TLN2: variants seen among roughly 807,000 people sequenced by gnomAD.
TLN2 encodes the protein talin-2.
In TLN2, 118 loss-of-function variants were observed where a neutral mutation model predicts 294.7. That is an observed-to-expected ratio of 0.40 (90% CI 0.34 to 0.47). The LOEUF (loss-of-function observed/expected upper bound fraction) is 0.47. Among genes scored for constraint, TLN2 ranks in the 20% least tolerant of loss-of-function variants. The probability of loss-of-function intolerance (pLI) is 0.84; values close to 1 mark genes in which losing one functional copy is unlikely to be tolerated. For missense variants in TLN2, 3,083 were observed against 3,282.2 expected (o/e 0.94, Z 1.48); for synonymous variants, 1,431 against 1,304.5 (o/e 1.10, Z -2.09).
intron 1 of TLN2, among the ~76,000 whole-genome samples, chr15:62,459,067 C>A (rs2036645365): frequency 6.6e-6 from 1 of 151,918 alleles, no homozygotes; most frequent in Non-Finnish European, 1.5e-5. Context: ...GTGGCGCAAT[C>A]TTGGCTCACT....
At chr15:62,705,583 A>C (rs780311733) in intron 19 of TLN2, among the ~76,000 whole-genome samples, 2 of 152,206 alleles carry the variant, frequency 1.3e-5, no homozygotes, top group Non-Finnish European at 2.9e-5. Context: ...ATTCTATGTG[A>C]CCAAATCCTG....
chr15:62,576,521 A>G (rs1465927588), intron 1 of TLN2, among the ~76,000 whole-genome samples: 3 of 150,464 alleles, frequency 2.0e-5, no homozygotes, highest in African/African-American at 7.3e-5. Context: ...GCAGGGAGGG[A>G]GCGCGAGAAT....
At chr15:62,747,307 T>C (rs1488849165) in intron 32 of TLN2, among the ~76,000 whole-genome samples, 1 of 152,212 alleles carries the variant, frequency 6.6e-6, no homozygotes, top group Non-Finnish European at 1.5e-5. Flanking sequence ...ACTTATGGGC[T>C]ACCTCTTAGA....
intron 1 of TLN2, among the ~76,000 whole-genome samples, chr15:62,438,216 A>G (rs559825550): frequency 6.6e-6 from 1 of 152,322 alleles, no homozygotes; most frequent in Non-Finnish European, 1.5e-5. Flanking sequence ...GTGGTTATTT[A>G]AGGGAAAACA....
intron 1 of TLN2, among the ~76,000 whole-genome samples, chr15:62,575,647 T>A (rs1453928502): frequency 6.6e-6 from 1 of 151,926 alleles, no homozygotes; most frequent in Non-Finnish European, 1.5e-5. Context: ...GAAAAATTAG[T>A]CCAACTTCTT....
intron 3 of TLN2, among the ~76,000 whole-genome samples, chr15:62,638,831 T>C (rs922970641): frequency 6.6e-6 from 1 of 152,192 alleles, no homozygotes; most frequent in African/African-American, 2.4e-5. Context: ...CTTCCAGTTA[T>C]TTCTGACTGA....
At chr15:62,570,221 C>A (rs1009428438) in intron 1 of TLN2, among the ~76,000 whole-genome samples, 1 of 152,186 alleles carries the variant, frequency 6.6e-6, no homozygotes, top group Non-Finnish European at 1.5e-5. Flanking sequence ...GACCACATTC[C>A]CCCGCCTCAC....
At chr15:62,623,513 T>C (rs950618922) in intron 3 of TLN2, among the ~76,000 whole-genome samples, 1 of 152,240 alleles carries the variant, frequency 6.6e-6, no homozygotes, top group Non-Finnish European at 1.5e-5. Flanking sequence ...GGTTCTTATA[T>C]GAAATCCTAG....
At chr15:62,411,881 G>A (rs1162893428) in intron 1 of TLN2, among the ~76,000 whole-genome samples, 1 of 152,222 alleles carries the variant, frequency 6.6e-6, no homozygotes, top group South Asian at 2.1e-4. Context: ...GGACCCACGG[G>A]TTGTGTGGGA....
chr15:62,629,179 T>C (rs753731695), intron 3 of TLN2, among the ~76,000 whole-genome samples: 4 of 152,042 alleles, frequency 2.6e-5, no homozygotes, highest in Non-Finnish European at 5.9e-5. Context: ...GGCCACAGAG[T>C]GAGACCCTGT....
At chr15:62,720,243 C>T (rs2060046715) in intron 25 of TLN2, among the ~76,000 whole-genome samples, 1 of 152,180 alleles carries the variant, frequency 6.6e-6, no homozygotes, top group Non-Finnish European at 1.5e-5. Context: ...TGCCATTGTT[C>T]ATGGACCGGG....
intron 19 of TLN2, among the ~76,000 whole-genome samples, chr15:62,705,478 A>C (rs1264154230): frequency 6.6e-6 from 1 of 152,210 alleles, no homozygotes; most frequent in Non-Finnish European, 1.5e-5. Flanking sequence ...CTGTAGTATC[A>C]CATTCTTTTT....
rs867458472 is a variant in TLN2 at position 62,707,117 on chromosome 15, C to A, written c.2036C>A (p.Ala679Asp). The change falls in exon 20 of 59, where the codon GCC (alanine) becomes GAC (aspartate). Residue 679 changes from alanine (A) to aspartate (D), a missense_variant. By Grantham distance (126) the Ala-to-Asp change is moderately radical. Coordinates refer to ENST00000636159, the MANE Select transcript of TLN2 (RefSeq NM_015059.3). ...DVLMSLAKAV[A>D]NAAAMLVLKA... ...TTAATGAGTTTGGCCAAAGCTGTTG[C>A]CAATGCAGCTGCCATGTTGGTACTA... is the stretch of plus-strand genomic sequence containing the variant. 6.2e-7 allele frequency: 1 copy of A among 1,613,894 alleles called. No homozygotes were observed. The highest frequency in any genetic ancestry group is 1.1e-5 in the South Asian group (1 of 90,982).
intron 2 of TLN2, among the ~76,000 whole-genome samples, chr15:62,612,677 A>T (rs1389188336): frequency 6.6e-6 from 1 of 152,162 alleles, no homozygotes; most frequent in Non-Finnish European, 1.5e-5. Flanking sequence ...CAATTTGTTA[A>T]AAATAAGCCA....
rs2036253571 is a variant in TLN2 at position 62,453,169 on chromosome 15, G to A, written c.-238+62484G>A. Among the ~76,000 whole-genome samples the A allele has an allele frequency of 3.3e-5, 5 of 152,234 alleles. No homozygotes were observed. The South Asian group carries it at 1.0e-3, about 32-fold the overall frequency. On this transcript the variant is annotated intron_variant, in intron 1 of 58. Coordinates refer to ENST00000636159, the MANE Select transcript of TLN2 (RefSeq NM_015059.3). ...GAACACACAATAAAGCAGCTCATTG[G>A]TAAAAGGGCATGCGGTTGGCTAGAA... is the stretch of plus-strand genomic sequence containing the variant.
chr15:62,710,453 A>G (rs537650908), intron 21 of TLN2, among the ~76,000 whole-genome samples: 2 of 152,318 alleles, frequency 1.3e-5, no homozygotes, highest in African/African-American at 4.8e-5. Flanking sequence ...TAATTTAACA[A>G]GATAGGAATG....
intron 1 of TLN2, among the ~76,000 whole-genome samples, chr15:62,506,570 T>C (rs939440290): frequency 2.0e-5 from 3 of 152,204 alleles, no homozygotes; most frequent in African/African-American, 7.2e-5. Context: ...TTCTGGAGCA[T>C]TCCCAACATG....
In TLN2 at chr15:62,702,317, C is replaced by G. The variant is rs2058766414; in HGVS notation, c.1905+117C>G. 3 of 1,158,614 alleles carry G rather than the reference C, an allele frequency of 2.6e-6. No individual in the cohort carries two copies. The South Asian group carries it at 4.7e-5, about 18-fold the overall frequency. 71.8% of individuals were successfully genotyped at this position (1,158,614 alleles called of 1,614,324 possible). A position where few individuals can be genotyped will look rare whatever the true frequency, so the allele number is the denominator to read the frequency against. ...TTGCGTCTTGATGGGGTGTGTTTCT[C>G]TCTGCAGGAGTAACTGGAGTTGTGG... On this transcript the variant is annotated intron_variant, in intron 18 of 58. Transcript: ENST00000636159.
intron 2 of TLN2, among the ~76,000 whole-genome samples, chr15:62,596,891 C>CT (rs950689749): frequency 3.3e-5 from 5 of 152,272 alleles, no homozygotes; most frequent in African/African-American, 1.2e-4. Flanking sequence ...AGAGCAACTA[C>CT]TTTTTTTCCT....
Sources: gnomAD v4.1 joint callset for allele counts (sites outside exome capture counted in the v4.1 genomes callset) on GRCh38, gnomAD v4.1.1 for gene constraint, MANE v1.5 for transcripts, NCBI Gene and HGNC (gene_info 2026-07-23, HGNC 2026-07-21) for gene names.